The following PLXNA4 variants were observed in gnomAD, a reference collection of about 807,000 sequenced individuals.
PLXNA4 encodes the protein plexin-A4.
In PLXNA4, 44 loss-of-function variants were observed where a neutral mutation model predicts 191.8. That is an observed-to-expected ratio of 0.23 (90% confidence interval 0.18 to 0.29). The LOEUF is 0.29. PLXNA4 is among the 10% of genes least tolerant of loss of function. The pLI is 1.00. For missense variants in PLXNA4, 1,800 were observed against 2,488.8 expected (o/e 0.72, Z 5.89); for synonymous variants, 1,082 against 1,009.5 (o/e 1.07, Z -1.36).
chr7:132,585,876 G>T (rs183264486), intron 2 of PLXNA4, among the ~76,000 whole-genome samples: 111 of 152,272 alleles, frequency 7.3e-4, no homozygotes, highest in East Asian at 3.9e-4. Context: ...CCCCAACTTG[G>T]GGGGTTAGTG....
chr7:132,373,605 T>C (rs1804535706), intron 3 of PLXNA4, among the ~76,000 whole-genome samples: 1 of 152,214 alleles, frequency 6.6e-6, no homozygotes, highest in African/African-American at 2.4e-5. Flanking sequence ...CTACTGAAGT[T>C]ACTATGTTCA....
At chr7:132,151,162 A>G (rs1795585700) in intron 25 of PLXNA4, among the ~76,000 whole-genome samples, 1 of 152,082 alleles carries the variant, frequency 6.6e-6, no homozygotes, top group Admixed American at 6.6e-5. Flanking sequence ...TTTCTGAAAT[A>G]TCAGAAAGGT....
chr7:132,462,484 T>C (rs1796543064), intron 3 of PLXNA4, among the ~76,000 whole-genome samples: 1 of 152,160 alleles, frequency 6.6e-6, no homozygotes, highest in Admixed American at 6.5e-5. Context: ...ATGTTCACAA[T>C]AAAAAGTAGA....
intron 10 of PLXNA4, among the ~76,000 whole-genome samples, chr7:132,210,127 G>C (rs930556898): frequency 6.6e-6 from 1 of 152,204 alleles, no homozygotes; most frequent in African/African-American, 2.4e-5. Flanking sequence ...AAACTTTAAA[G>C]TTCCTATGAC....
chr7:132,384,675 T>C, intron 3 of PLXNA4: 1 of 997,226 alleles, frequency 1.0e-6, no homozygotes, highest in Non-Finnish European at 1.2e-6. Flanking sequence ...AATTACATGA[T>C]GCTGCAGTAC....
intron 3 of PLXNA4, chr7:132,384,794 G>T: frequency 9.0e-7 from 1 of 1,109,674 alleles, no homozygotes; most frequent in Non-Finnish European, 1.1e-6. Context: ...ACACACACTG[G>T]CCAGGCGACT....
chr7:132,394,408 C>A (rs191128547), intron 3 of PLXNA4, among the ~76,000 whole-genome samples: 53 of 152,306 alleles, frequency 3.5e-4, no homozygotes, highest in African/African-American at 1.0e-3. Flanking sequence ...GAGTTAGGAA[C>A]CTGGGTTCTA....
chr7:132,154,887 A>G (rs1434083073), intron 25 of PLXNA4, among the ~76,000 whole-genome samples: 1 of 152,246 alleles, frequency 6.6e-6, no homozygotes, highest in Non-Finnish European at 1.5e-5. Flanking sequence ...CCAATTTGTT[A>G]CATTTCCACC....
chr7:132,382,809 T>C (rs1804951142), intron 3 of PLXNA4, among the ~76,000 whole-genome samples: 1 of 152,188 alleles, frequency 6.6e-6, no homozygotes, highest in Non-Finnish European at 1.5e-5. Flanking sequence ...AGAGAGTATT[T>C]GCAGTATGTG....
intron 3 of PLXNA4, among the ~76,000 whole-genome samples, chr7:132,387,578 A>G (rs1314981141): frequency 6.6e-6 from 1 of 152,234 alleles, no homozygotes; most frequent in African/African-American, 2.4e-5. Context: ...AGAAGCCACC[A>G]GAGAATTACG....
intron 2 of PLXNA4, among the ~76,000 whole-genome samples, chr7:132,504,297 G>C (rs979454884): frequency 1.3e-5 from 2 of 152,250 alleles, no homozygotes; most frequent in Admixed American, 1.3e-4. Context: ...GGGCCTTGTA[G>C]TAGGGGTTCT....
intron 3 of PLXNA4, among the ~76,000 whole-genome samples, chr7:132,324,000 A>T (rs1050324754): frequency 6.6e-6 from 1 of 152,192 alleles, no homozygotes; most frequent in Admixed American, 6.5e-5. Context: ...GACCATACCG[A>T]GCTAGGCAGG....
chr7:132,156,131 GACATACACAC>G (rs1474451069), intron 25 of PLXNA4, among the ~76,000 whole-genome samples: 6 of 74,566 alleles, frequency 8.0e-5, no homozygotes, highest in African/African-American at 3.0e-4. Context: ...TCTGTTTCTG[GACATACACAC>G]ACACACACAC....
intron 3 of PLXNA4, among the ~76,000 whole-genome samples, chr7:132,357,806 T>C (rs1446203186): frequency 6.6e-6 from 1 of 152,226 alleles, no homozygotes. Context: ...GGAAATTGCA[T>C]TGTGTTTTTA....
intron 3 of PLXNA4, among the ~76,000 whole-genome samples, chr7:132,485,743 A>C (rs922537217): frequency 1.6e-4 from 25 of 152,074 alleles, no homozygotes; most frequent in African/African-American, 5.8e-4. Context: ...TAACACACAT[A>C]CCCTTAAAGC....
chr7:132,190,002 C>T (rs1797037022), intron 14 of PLXNA4, among the ~76,000 whole-genome samples: 3 of 152,352 alleles, frequency 2.0e-5, no homozygotes, highest in African/African-American at 7.2e-5. Context: ...AATCTTTGAG[C>T]TTCAGGGACC....
Position 132,124,538 on chromosome 7 carries a change from G to A in PLXNA4, c.*5941C>T, listed in dbSNP as rs1406432046. The A allele has an allele frequency of 6.6e-6, 1 of 152,378 alleles. No individual in the cohort carries two copies. The highest frequency in any genetic ancestry group is 3.4e-3 in the Middle Eastern group (1 of 294). 9.4% of individuals were successfully genotyped at this position (152,378 alleles called of 1,614,324 possible). A position where few individuals can be genotyped will look rare whatever the true frequency, so the allele number is the denominator to read the frequency against. The stretch of plus-strand genomic sequence containing the variant: ...AAGATCAAAGATACTAACAAAGGAA[G>A]TTCTAATTCCAAATAAAGAAATTGC... On this transcript the variant is annotated 3_prime_UTR_variant, in exon 32 of 32. Coordinates refer to ENST00000321063, the MANE Select transcript of PLXNA4 (RefSeq NM_020911.2).
intron 2 of PLXNA4, among the ~76,000 whole-genome samples, chr7:132,627,365 A>G (rs1803399687): frequency 6.6e-6 from 1 of 152,086 alleles, no homozygotes. Context: ...TTATATCACA[A>G]TTTTCATGGC....
intron 3 of PLXNA4, among the ~76,000 whole-genome samples, chr7:132,479,990 T>C (rs972192692): frequency 2.0e-5 from 3 of 152,082 alleles, no homozygotes; most frequent in Non-Finnish European, 2.9e-5. Flanking sequence ...GGTTTGACTA[T>C]ATAAAGAACT....
Sources: gnomAD v4.1 joint callset for allele counts (sites outside exome capture counted in the v4.1 genomes callset) on GRCh38, gnomAD v4.1.1 for gene constraint, MANE v1.5 for transcripts, NCBI Gene and HGNC (gene_info 2026-07-23, HGNC 2026-07-21) for gene names.